Variants in DGKB observed in about 807,000 individuals in gnomAD.
The protein encoded by DGKB is diacylglycerol kinase beta, also known as 90 kDa diacylglycerol kinase.
A neutral mutation model predicts 114.3 loss-of-function variants in DGKB; 67 were observed. The ratio of observed to expected loss-of-function variants is 0.59; its 90% CI spans 0.48 to 0.72. The LOEUF is 0.72. Among genes scored for constraint, DGKB ranks in the 30% least tolerant of loss-of-function variants. DGKB has a pLI of 0.00. For missense variants in DGKB, 907 were observed against 975.2 expected, an observed-to-expected ratio of 0.93 and a Z score of 0.93; for synonymous variants, 398 against 323.1, an observed-to-expected ratio of 1.23 and a Z score of -2.49.
intron 7 of DGKB, among the ~76,000 whole-genome samples, chr7:14,700,529 T>C (rs1423537507): frequency 6.6e-6 from 1 of 152,058 alleles, no homozygotes; most frequent in Non-Finnish European, 1.5e-5. Context: ...ATTTGAAAAA[T>C]TACTGAGACT....
At chr7:14,228,781 T>G (rs1182920166) in intron 23 of DGKB, among the ~76,000 whole-genome samples, 1 of 151,978 alleles carries the variant, frequency 6.6e-6, no homozygotes, top group Non-Finnish European at 1.5e-5. Context: ...CTGGACATAT[T>G]AAAACACTTT....
Position 14,757,697 on chromosome 7 carries a change from T to C in DGKB, c.105A>G (p.Glu35=), listed in dbSNP as rs370792399. Residue 35 remains glutamate, a synonymous_variant, in exon 3 of 26, where the codon GAA becomes GAG. Coordinates refer to ENST00000402815, the MANE Select transcript of DGKB (RefSeq NM_001350709.2). The part of the protein sequence containing the change: ...STKKLKDVLE[E]FHGNGVLAKY... ...TTGCAAGCACACCATTACCATGGAA[T>C]TCTTCAAGAACATCCTTTAATTTCT... The C allele has an allele frequency of 8.7e-6, 14 of 1,606,512 alleles. No individual in the cohort carries two copies. Among genetic ancestry groups the C allele is most frequent in the Non-Finnish European group, 1.2e-5 (14 of 1,174,838 alleles).
chr7:14,600,203 C>T lies in DGKB; in HGVS notation c.1433+7231G>A, dbSNP rs1525084. On this transcript the variant is annotated intron_variant, in intron 17 of 25. Coordinates refer to ENST00000402815, the MANE Select transcript of DGKB (RefSeq NM_001350709.2). ...TCACATGGCAGTAGAAGGGGAAAGG[C>T]GAGAGCTAGTTCCCTTGAGCCATTT... Among the ~76,000 whole-genome samples the T allele has an allele frequency of 3.5e-3, 533 of 152,192 alleles. 2 individuals are homozygous for T. The highest frequency in any genetic ancestry group is 0.014 in the Middle Eastern group (4 of 294).
chr7:14,293,386 T>C (rs1310998902), intron 23 of DGKB, among the ~76,000 whole-genome samples: 4 of 152,190 alleles, frequency 2.6e-5, no homozygotes, highest in African/African-American at 9.7e-5. Flanking sequence ...ACTTCTGTTT[T>C]CTATTGCATT....
chr7:14,259,405 CTCTATATATATA>C (rs1391831295), intron 23 of DGKB, among the ~76,000 whole-genome samples: 1,555 of 95,010 alleles, frequency 0.016, 11 homozygotes, highest in East Asian at 0.037. Context: ...CTCTCTCTCT[CTCTATATATATA>C]TATATATATA....
At chr7:14,887,316 G>A (rs2128221268) in intron 1 of DGKB, among the ~76,000 whole-genome samples, 1 of 151,834 alleles carries the variant, frequency 6.6e-6, no homozygotes, top group South Asian at 2.1e-4. Flanking sequence ...CTTTCTTCTT[G>A]AAACGTTTCC....
intron 21 of DGKB, among the ~76,000 whole-genome samples, chr7:14,367,597 C>T (rs971751657): frequency 6.6e-6 from 1 of 151,272 alleles, no homozygotes; most frequent in African/African-American, 2.4e-5. Context: ...TGGACTAATA[C>T]ACTAGGCTAA....
At chr7:14,429,174 C>G (rs1828039274) in intron 21 of DGKB, among the ~76,000 whole-genome samples, 1 of 151,944 alleles carries the variant, frequency 6.6e-6, no homozygotes, top group African/African-American at 2.4e-5. Context: ...ATGTTTGAGT[C>G]CCCCCAAAAT....
rs75440275 is a variant in DGKB at position 14,431,885 on chromosome 7, G to T, written c.1835+46276C>A. ...CACATGGATTTATATTGTAGCTATG[G>T]TATAAGAGATCATGTCCTTATTATA... On this transcript the variant is annotated intron_variant, in intron 21 of 25. Coordinates refer to ENST00000402815, the MANE Select transcript of DGKB (RefSeq NM_001350709.2). Among the ~76,000 whole-genome samples the T allele has an allele frequency of 2.8e-3, 429 of 152,096 alleles. 1 individual carries two copies. Among genetic ancestry groups the T allele is most frequent in the Admixed American group, 0.02 (300 of 15,254 alleles).
intron 23 of DGKB, among the ~76,000 whole-genome samples, chr7:14,190,206 T>C (rs905803362): frequency 1.3e-5 from 2 of 152,158 alleles, no homozygotes; most frequent in African/African-American, 4.8e-5. Flanking sequence ...TTTCGGGCCA[T>C]TATGGTCTAA....
intron 2 of DGKB, among the ~76,000 whole-genome samples, chr7:14,790,233 C>T (rs10273485): frequency 0.37 from 55,595 of 152,004 alleles, 11,702 homozygotes; most frequent in African/African-American, 0.59. Flanking sequence ...TGTTCTCCCA[C>T]TGTCTACCTT....
At chr7:14,603,882 G>C (rs1332700040) in intron 17 of DGKB, among the ~76,000 whole-genome samples, 1 of 152,026 alleles carries the variant, frequency 6.6e-6, no homozygotes, top group Non-Finnish European at 1.5e-5. Flanking sequence ...GTATTTTCAT[G>C]AAGATTAGAT....
intron 13 of DGKB, among the ~76,000 whole-genome samples, chr7:14,650,713 T>G (rs956906627): frequency 3.6e-5 from 4 of 109,746 alleles, no homozygotes; most frequent in African/African-American, 1.5e-4. Flanking sequence ...CAAGAGCTGG[T>G]TTTTTGAAAG....
intron 21 of DGKB, among the ~76,000 whole-genome samples, chr7:14,375,055 C>A (rs1163661749): frequency 6.6e-6 from 1 of 152,084 alleles, no homozygotes; most frequent in African/African-American, 2.4e-5. Flanking sequence ...GGTGATAAAG[C>A]ATCTCAACAT....
chr7:14,773,235 G>A (rs1240288485), intron 2 of DGKB, among the ~76,000 whole-genome samples: 1 of 152,012 alleles, frequency 6.6e-6, no homozygotes, highest in Non-Finnish European at 1.5e-5. Flanking sequence ...TTACGAAAAA[G>A]TCTTTGTTGA....
intron 4 of DGKB, among the ~76,000 whole-genome samples, chr7:14,742,551 G>T (rs1586151343): frequency 6.6e-6 from 1 of 152,142 alleles, no homozygotes; most frequent in Non-Finnish European, 1.5e-5. Context: ...TTCGCTAAAT[G>T]TTTTAAGGTT....
chr7:14,740,377 G>C (rs1311114463), intron 4 of DGKB, among the ~76,000 whole-genome samples: 1 of 151,984 alleles, frequency 6.6e-6, no homozygotes, highest in African/African-American at 2.4e-5. Context: ...TGAGTACAGG[G>C]GGCTTCTCAA....
intron 16 of DGKB, among the ~76,000 whole-genome samples, chr7:14,607,885 C>T (rs929199239): frequency 8.6e-5 from 13 of 151,994 alleles, no homozygotes; most frequent in African/African-American, 3.1e-4. Context: ...TATCTTCTCT[C>T]AGTAAATCCT....
intron 6 of DGKB, among the ~76,000 whole-genome samples, chr7:14,709,870 G>A (rs1485071657): frequency 6.7e-6 from 1 of 149,632 alleles, no homozygotes; most frequent in Non-Finnish European, 1.5e-5. Flanking sequence ...AATGCTAGAT[G>A]AGGAGTTAGT....
Sources: allele counts gnomAD v4.1 joint callset (sites outside exome capture counted in the v4.1 genomes callset), GRCh38; gene constraint gnomAD v4.1.1; transcripts MANE v1.5; gene names NCBI Gene and HGNC (gene_info 2026-07-23, HGNC 2026-07-21).